Variants in NMNAT2 observed in about 807,000 individuals in gnomAD.
NMNAT2 encodes the protein nicotinamide nucleotide adenylyltransferase 2.
In NMNAT2, 11 loss-of-function variants were observed where a neutral mutation model predicts 41.6. That is an observed-to-expected ratio of 0.26 (90% CI 0.17 to 0.44). The LOEUF is 0.44. Ranked by LOEUF, NMNAT2 falls within the 20% of genes least tolerant of loss-of-function variation. The probability of loss-of-function intolerance (pLI) is 1.00; values close to 1 mark genes in which losing one functional copy is unlikely to be tolerated. For missense variants in NMNAT2, 288 were observed against 407.7 expected (o/e 0.71, Z 2.53); for synonymous variants, 148 against 151.2 (o/e 0.98, Z 0.16).
intron 1 of NMNAT2, among the ~76,000 whole-genome samples, chr1:183,392,449 T>G (rs1285021593): frequency 6.6e-6 from 1 of 152,244 alleles, no homozygotes; most frequent in Non-Finnish European, 1.5e-5. Context: ...GTTGCTATTC[T>G]CAACCCCTAT....
chr1:183,331,710 C>G (rs1226526570), intron 1 of NMNAT2, among the ~76,000 whole-genome samples: 1 of 152,240 alleles, frequency 6.6e-6, no homozygotes, highest in Non-Finnish European at 1.5e-5. Flanking sequence ...CTTCCCTCCC[C>G]AGGGGAACAC....
At chr1:183,351,381 C>G (rs919744287) in intron 1 of NMNAT2, among the ~76,000 whole-genome samples, 3 of 152,184 alleles carry the variant, frequency 2.0e-5, no homozygotes, top group Non-Finnish European at 4.4e-5. Flanking sequence ...CCTGGATGAA[C>G]AGGAGTAGTG....
chr1:183,287,200 T>C (rs1661423073), intron 4 of NMNAT2, among the ~76,000 whole-genome samples: 1 of 152,166 alleles, frequency 6.6e-6, no homozygotes, highest in Non-Finnish European at 1.5e-5. Flanking sequence ...CAGCAGGCGA[T>C]GCTGGAACCT....
intron 1 of NMNAT2, among the ~76,000 whole-genome samples, chr1:183,308,071 T>C (rs1465199769): frequency 1.3e-5 from 2 of 152,156 alleles, no homozygotes; most frequent in African/African-American, 2.4e-5. Context: ...TCTGCTGGCA[T>C]TGGGACAGAG....
At chr1:183,264,805 C>T (rs1660763209) in intron 8 of NMNAT2, among the ~76,000 whole-genome samples, 1 of 152,068 alleles carries the variant, frequency 6.6e-6, no homozygotes. Flanking sequence ...CCTCAAGCCC[C>T]CATTGCCAGC....
chr1:183,385,282 C>T (rs1291705336), intron 1 of NMNAT2, among the ~76,000 whole-genome samples: 5 of 152,044 alleles, frequency 3.3e-5, no homozygotes, highest in Admixed American at 3.3e-4. Context: ...CGTGTGCCTG[C>T]CTGTTTAGAA....
intron 10 of NMNAT2, among the ~76,000 whole-genome samples, chr1:183,253,185 C>T (rs1660435615): frequency 6.7e-6 from 1 of 149,658 alleles, no homozygotes; most frequent in Non-Finnish European, 1.5e-5. Flanking sequence ...TTGTAAGATA[C>T]ACATATATTA....
intron 8 of NMNAT2, among the ~76,000 whole-genome samples, chr1:183,269,474 G>A (rs1660925005): frequency 1.3e-5 from 2 of 152,350 alleles, no homozygotes; most frequent in South Asian, 2.1e-4. Context: ...TGAGATCAGC[G>A]TTCTGAAGCC....
At chr1:183,347,629 T>C (rs889489154) in intron 1 of NMNAT2, among the ~76,000 whole-genome samples, 5 of 152,218 alleles carry the variant, frequency 3.3e-5, no homozygotes, top group Non-Finnish European at 5.9e-5. Flanking sequence ...CTTGTGTTTT[T>C]AAAGCCCTCA....
intron 1 of NMNAT2, among the ~76,000 whole-genome samples, chr1:183,379,587 A>G (rs1355546501): frequency 6.6e-6 from 1 of 152,230 alleles, no homozygotes; most frequent in South Asian, 2.1e-4. Flanking sequence ...AGTTATATTA[A>G]TTTCAGGCAA....
At chr1:183,383,100 C>T (rs760300055) in intron 1 of NMNAT2, among the ~76,000 whole-genome samples, 27 of 152,216 alleles carry the variant, frequency 1.8e-4, no homozygotes, top group South Asian at 4.1e-4. Flanking sequence ...AACTCTTGTC[C>T]TCTATGCACC....
intron 8 of NMNAT2, among the ~76,000 whole-genome samples, chr1:183,268,765 G>T (rs1660886225): frequency 6.6e-6 from 1 of 152,200 alleles, no homozygotes; most frequent in African/African-American, 2.4e-5. Flanking sequence ...ATCATGGCAA[G>T]GTGTGATGTC....
intron 1 of NMNAT2, among the ~76,000 whole-genome samples, chr1:183,328,767 C>A (rs570740557): frequency 1.3e-5 from 2 of 152,354 alleles, no homozygotes; most frequent in African/African-American, 4.8e-5. Flanking sequence ...CTAGCCTGAC[C>A]TGTGGACTCA....
At chr1:183,396,959 C>T (rs1412596560) in intron 1 of NMNAT2, among the ~76,000 whole-genome samples, 1 of 152,166 alleles carries the variant, frequency 6.6e-6, no homozygotes, top group East Asian at 1.9e-4. Flanking sequence ...ACTGCTAACA[C>T]CTTCACACTC....
chr1:183,399,454 G>A (rs961398386), intron 1 of NMNAT2, among the ~76,000 whole-genome samples: 4 of 152,108 alleles, frequency 2.6e-5, no homozygotes, highest in Non-Finnish European at 4.4e-5. Context: ...AGGATCAGAA[G>A]GATTCACATC....
At chr1:183,272,721 C>A (rs968259634) in intron 8 of NMNAT2, among the ~76,000 whole-genome samples, 9 of 152,184 alleles carry the variant, frequency 5.9e-5, no homozygotes, top group Admixed American at 3.9e-4. Context: ...TCCTGCTGTC[C>A]AACAGACGGT....
chr1:183,271,723 T>G (rs1660991889), intron 8 of NMNAT2, among the ~76,000 whole-genome samples: 1 of 152,194 alleles, frequency 6.6e-6, no homozygotes, highest in Admixed American at 6.6e-5. Flanking sequence ...AAAGATTGAT[T>G]GAAGAAAGGA....
intron 1 of NMNAT2, among the ~76,000 whole-genome samples, chr1:183,383,329 C>T (rs1557895611): frequency 2.0e-5 from 3 of 152,196 alleles, no homozygotes; most frequent in Non-Finnish European, 4.4e-5. Flanking sequence ...ATGCGAGAGG[C>T]TTCCACCAAG....
chr1:183,381,313 A>G (rs1571629029), intron 1 of NMNAT2, among the ~76,000 whole-genome samples: 1 of 152,222 alleles, frequency 6.6e-6, no homozygotes, highest in Non-Finnish European at 1.5e-5. Flanking sequence ...TGGGCTGGTC[A>G]TGGAAGTCAC....
Sources: allele counts gnomAD v4.1 joint callset (sites outside exome capture counted in the v4.1 genomes callset), GRCh38; gene constraint gnomAD v4.1.1; transcripts MANE v1.5; gene names NCBI Gene and HGNC (gene_info 2026-07-23, HGNC 2026-07-21).